CALD1: variants seen among roughly 807,000 people sequenced by gnomAD.
CALD1 encodes the protein caldesmon 1, also known as caldesmon.
CALD1 carries 33 observed loss-of-function variants against 99.9 expected under a neutral mutation model. That is an observed-to-expected ratio of 0.33 (90% CI 0.25 to 0.44). CALD1 has a LOEUF of 0.44. Among genes scored for constraint, CALD1 ranks in the 20% least tolerant of loss-of-function variants. CALD1 has a pLI of 1.00. For synonymous variants in CALD1, 310 were observed against 325.0 expected (o/e 0.95, Z 0.50); for missense variants, 861 against 962.1 (o/e 0.89, Z 1.39).
chr7:134,870,647 G>T, intron 3 of CALD1, among the ~76,000 whole-genome samples: 1 of 151,004 alleles, frequency 6.6e-6, no homozygotes, highest in African/African-American at 2.4e-5. Context: ...ACTTCTTTTG[G>T]GATATTATAT....
At chr7:134,865,505 C>G (rs760694621) in intron 2 of CALD1, among the ~76,000 whole-genome samples, 1 of 152,204 alleles carries the variant, frequency 6.6e-6, no homozygotes, top group Non-Finnish European at 1.5e-5. Flanking sequence ...CCTCTGGGTG[C>G]CCCCACATGT....
At chr7:134,941,838 G>A (rs1305277817) in intron 7 of CALD1, among the ~76,000 whole-genome samples, 1 of 152,098 alleles carries the variant, frequency 6.6e-6, no homozygotes, top group East Asian at 1.9e-4. Flanking sequence ...TATACAGTTT[G>A]GAAAAACTCT....
Position 134,960,523 on chromosome 7 carries a change from C to G in CALD1, c.2200-10C>G. On this transcript the variant is annotated splice_polypyrimidine_tract_variant and intron_variant, in intron 12 of 14. Coordinates refer to ENST00000361675, the MANE Select transcript of CALD1 (RefSeq NM_033138.4). ...ATTCTTTAATATTTTGGATGATTGC[C>G]CCTTTGTAGGAAACTGCTGGCTTGA... The G allele has an allele frequency of 3.2e-6, 5 of 1,557,844 alleles. No individual in the cohort carries two copies. The highest frequency in any genetic ancestry group is 2.7e-6 in the Non-Finnish European group (3 of 1,130,722).
At chr7:134,711,724 GTGTCTC>G in the CALD1 span, among the ~76,000 whole-genome samples, 1 of 91,918 alleles carries the variant, frequency 1.1e-5, no homozygotes, top group Middle Eastern at 5.2e-3. Flanking sequence ...GTGTGTGTGT[GTGTCTC>G]TCTCTCTGTC....
chr7:134,965,144 A>AAAT, intron 13 of CALD1, 162 bp from the exon 14 acceptor site: 1 of 581,686 alleles, frequency 1.7e-6, no homozygotes, highest in Non-Finnish European at 3.1e-6. Flanking sequence ...AAAAAATCAA[A>AAAT]CAACAGCTGA....
chr7:134,871,803 A>AATT (rs1459995759), intron 3 of CALD1, among the ~76,000 whole-genome samples: 1 of 152,156 alleles, frequency 6.6e-6, no homozygotes, highest in Non-Finnish European at 1.5e-5. Flanking sequence ...AATGATAAAT[A>AATT]ATTTAAAACT....
At chr7:134,897,291 T>A (rs1006912686) in intron 3 of CALD1, among the ~76,000 whole-genome samples, 1 of 133,964 alleles carries the variant, frequency 7.5e-6, no homozygotes, top group Non-Finnish European at 1.6e-5. Context: ...ATTATCTACA[T>A]CAGTGTTCTC....
At chr7:134,918,601 T>G (rs891143760) in intron 3 of CALD1, among the ~76,000 whole-genome samples, 4 of 152,206 alleles carry the variant, frequency 2.6e-5, no homozygotes, top group Non-Finnish European at 5.9e-5. Context: ...TAAAAAGAGA[T>G]AGGGATGCGA....
intron 3 of CALD1, among the ~76,000 whole-genome samples, chr7:134,916,919 C>T (rs1355448130): frequency 6.6e-6 from 1 of 152,108 alleles, no homozygotes; most frequent in Non-Finnish European, 1.5e-5. Context: ...CATTTGAAGA[C>T]GACAGTGGAA....
chr7:134,789,469 T>C (rs1797437559), intron 1 of CALD1, among the ~76,000 whole-genome samples: 1 of 152,226 alleles, frequency 6.6e-6, no homozygotes, highest in Non-Finnish European at 1.5e-5. Context: ...GAACTTGAGT[T>C]TGAATCTCAA....
the CALD1 span, among the ~76,000 whole-genome samples, chr7:134,721,074 C>CA: frequency 2.0e-5 from 3 of 152,164 alleles, no homozygotes; most frequent in African/African-American, 7.2e-5. Flanking sequence ...TGTAGCCCAA[C>CA]AGCCTGGGGC....
At chr7:134,780,772 C>G (rs1427512045) in intron 1 of CALD1, among the ~76,000 whole-genome samples, 1 of 152,200 alleles carries the variant, frequency 6.6e-6, no homozygotes, top group Non-Finnish European at 1.5e-5. Context: ...ATTAACAGGA[C>G]TATGCAGATG....
chr7:134,880,679 T>C (rs1801557957), intron 3 of CALD1, among the ~76,000 whole-genome samples: 2 of 152,134 alleles, frequency 1.3e-5, no homozygotes, highest in South Asian at 2.1e-4. Context: ...ATTTGTCCTT[T>C]GATGAAGAAG....
chr7:134,863,288 C>T (rs1000482081), intron 2 of CALD1, among the ~76,000 whole-genome samples: 12 of 152,178 alleles, frequency 7.9e-5, no homozygotes, highest in African/African-American at 2.9e-4. Context: ...AAAAAACAGC[C>T]TGCCACATAG....
rs575026942 is a variant in CALD1 at position 134,969,754 on chromosome 7, C to T, written c.*1409C>T. ...TCTTTTTTAACTCATGATTTTTACA[C>T]ACACAATCCAGAACTTATTATATAG... On this transcript the variant is annotated 3_prime_UTR_variant, in exon 15 of 15. Coordinates refer to ENST00000361675, the MANE Select transcript of CALD1 (RefSeq NM_033138.4). The T allele has an allele frequency of 1.3e-5, 2 of 152,388 alleles. No homozygotes were observed. The highest frequency in any genetic ancestry group is 3.9e-4 in the East Asian group (2 of 5,192). 9.4% of individuals were successfully genotyped at this position (152,388 alleles called of 1,614,324 possible).
intron 1 of CALD1, among the ~76,000 whole-genome samples, chr7:134,767,287 A>G (rs1212786671): frequency 1.3e-5 from 2 of 151,884 alleles, no homozygotes; most frequent in African/African-American, 2.4e-5. Flanking sequence ...ACGCATCTAT[A>G]TCACACAGTT....
At chr7:134,797,475 A>C (rs1797787898) in intron 1 of CALD1, among the ~76,000 whole-genome samples, 2 of 152,230 alleles carry the variant, frequency 1.3e-5, no homozygotes. Flanking sequence ...CTATAGCAGA[A>C]TATATTAAAG....
intron 3 of CALD1, among the ~76,000 whole-genome samples, chr7:134,921,920 A>G (rs1382796537): frequency 1.3e-5 from 2 of 152,234 alleles, no homozygotes; most frequent in East Asian, 3.8e-4. Flanking sequence ...CAATAGGGGA[A>G]AAAATGAAAG....
At chr7:134,851,565 A>T (rs1356143439) in intron 2 of CALD1, among the ~76,000 whole-genome samples, 1 of 152,200 alleles carries the variant, frequency 6.6e-6, no homozygotes, top group Non-Finnish European at 1.5e-5. Context: ...GAAACAGCCA[A>T]AATCTCAGCA....
Sources: gnomAD v4.1 joint callset for allele counts (sites outside exome capture counted in the v4.1 genomes callset) on GRCh38, gnomAD v4.1.1 for gene constraint, MANE v1.5 for transcripts, NCBI Gene and HGNC (gene_info 2026-07-23, HGNC 2026-07-21) for gene names.